The following OPHN1 variants were observed in gnomAD, a reference collection of about 807,000 sequenced individuals.
OPHN1 encodes oligophrenin 1.
A neutral mutation model predicts 60.7 loss-of-function variants in OPHN1; 11 were observed. The observed-to-expected ratio is 0.18, with a 90% CI of 0.11 to 0.30. OPHN1 has a LOEUF of 0.30. Among genes scored for constraint, OPHN1 ranks in the 10% least tolerant of loss-of-function variants. OPHN1 has a pLI of 1.00. For synonymous variants in OPHN1, 226 were observed against 222.6 expected (o/e 1.02, Z -0.14); for missense variants, 449 against 611.0 (o/e 0.73, Z 2.80).
chrX:68,379,332 A>G (rs1161802110), intron 2 of OPHN1, among the ~76,000 whole-genome samples: 1 of 111,626 alleles, frequency 9.0e-6, no homozygotes, highest in Non-Finnish European at 1.9e-5. Context: ...ATTTTGGGCT[A>G]AGACAGTGCA....
chrX:68,158,698 G>A (rs1160119560), intron 15 of OPHN1, among the ~76,000 whole-genome samples: 1 of 111,723 alleles, frequency 9.0e-6, no homozygotes, highest in Non-Finnish European at 1.9e-5. Context: ...ATAAAGTTTT[G>A]CTTATGGCTG....
In OPHN1 at chrX:68,046,854, C is replaced by T. The variant is rs2076834025; in HGVS notation, c.*318G>A. The T allele has an allele frequency of 9.0e-6, 1 of 111,647 alleles. No homozygotes were observed. Among genetic ancestry groups the T allele is most frequent in the Non-Finnish European group, 1.9e-5 (1 of 53,129 alleles). The allele number at this position is 111,647 out of a possible 1,213,427, so 9.2% of individuals were successfully genotyped here. ...TCAGGGAAGAGTTGAAAACTGAGCT[C>T]CCCTCTTCAACTCAGGTAAGTGGAT... is the stretch of plus-strand genomic sequence containing the variant. On this transcript the variant is annotated 3_prime_UTR_variant, in exon 25 of 25. Transcript: ENST00000355520.
At chrX:68,346,635 A>G (rs1435028436) in intron 2 of OPHN1, among the ~76,000 whole-genome samples, 1 of 112,032 alleles carries the variant, frequency 8.9e-6, no homozygotes, top group African/African-American at 3.2e-5. Flanking sequence ...GAACAAATGT[A>G]ATCTCTGATT....
At chrX:68,174,559 C>T (rs2077406011) in intron 15 of OPHN1, among the ~76,000 whole-genome samples, 1 of 101,933 alleles carries the variant, frequency 9.8e-6, no homozygotes, top group Non-Finnish European at 2.0e-5. Context: ...GCAGCCTCGA[C>T]CTCCCGTGCA....
At chrX:68,310,453 A>G (rs984348436) in intron 2 of OPHN1, among the ~76,000 whole-genome samples, 12 of 110,744 alleles carry the variant, frequency 1.1e-4, no homozygotes, top group Non-Finnish European at 1.9e-4. Flanking sequence ...AAAATGCCCC[A>G]TAAGAACACC....
Position 68,226,106 on chromosome X carries a change from G to A in OPHN1, c.486+8381C>T, listed in dbSNP as rs111468748. On this transcript the variant is annotated intron_variant, in intron 6 of 24. Transcript: ENST00000355520. ...ATGCACAAGCTTCAGTAGCCGATTCGATCAAATGGAAGAAACGGTATCAGT... is the reference window on the plus strand; with the variant it reads ...ATGCACAAGCTTCAGTAGCCGATTCAATCAAATGGAAGAAACGGTATCAGT... Among the ~76,000 whole-genome samples the A allele has an allele frequency of 7.2e-3, 799 of 111,748 alleles. 9 individuals carry two copies. Among genetic ancestry groups the A allele is most frequent in the African/African-American group, 0.025 (763 of 30,810 alleles).
intron 19 of OPHN1, among the ~76,000 whole-genome samples, chrX:68,089,839 T>C (rs1397282971): frequency 2.7e-5 from 3 of 111,851 alleles, no homozygotes; most frequent in Non-Finnish European, 5.6e-5. Context: ...TTGAAGAATG[T>C]GTGAAAGACC....
At chrX:68,230,297 C>G (rs949046818) in intron 6 of OPHN1, among the ~76,000 whole-genome samples, 2 of 111,450 alleles carry the variant, frequency 1.8e-5, no homozygotes, top group Admixed American at 1.9e-4. Flanking sequence ...GAAATAGGAA[C>G]ACTTTTACAC....
intron 15 of OPHN1, among the ~76,000 whole-genome samples, chrX:68,163,834 T>C (rs972317575): frequency 7.2e-5 from 8 of 110,883 alleles, no homozygotes; most frequent in Non-Finnish European, 1.1e-4. Flanking sequence ...CTTTAATGAT[T>C]AGTGCTGTTG....
At position 68,043,034 on chromosome X, in the gene OPHN1, T is replaced by C. The variant is rs1172197667; in HGVS notation, c.*4138A>G. The C allele has an allele frequency of 8.2e-5, 1 of 12,143 alleles. No individual in the cohort carries two copies. The highest frequency in any genetic ancestry group is 1.4e-4 in the Non-Finnish European group (1 of 7,289). The allele number at this position is 12,143 out of a possible 1,213,427, so 1.0% of individuals were successfully genotyped here. On this transcript the variant is annotated 3_prime_UTR_variant, in exon 25 of 25. Transcript: ENST00000355520. The stretch of plus-strand genomic sequence containing the variant: ...GGCACATATACACCATGGAATACTA[T>C]GCAGCCATAAAAAATGATGAGTTCA...
intron 5 of OPHN1, among the ~76,000 whole-genome samples, chrX:68,249,484 G>A (rs901344754): frequency 1.8e-5 from 2 of 111,757 alleles, no homozygotes; most frequent in Non-Finnish European, 3.8e-5. Context: ...GGCAGCCAGA[G>A]CCAATAAGCA....
chrX:68,241,737 T>G (rs990761680), intron 5 of OPHN1, among the ~76,000 whole-genome samples: 2 of 110,990 alleles, frequency 1.8e-5, no homozygotes, highest in Non-Finnish European at 3.8e-5. Flanking sequence ...CCGGCCAACA[T>G]GGTGAAACCC....
chrX:68,419,001 G>T (rs758674067), intron 2 of OPHN1, among the ~76,000 whole-genome samples: 98 of 110,390 alleles, frequency 8.9e-4, no homozygotes, highest in Admixed American at 2.4e-3. Flanking sequence ...TAAATTTTTT[G>T]TTGTTGTTGT....
At chrX:68,319,821 T>A (rs1358460567) in intron 2 of OPHN1, among the ~76,000 whole-genome samples, 10 of 110,535 alleles carry the variant, frequency 9.0e-5, no homozygotes, top group Non-Finnish European at 7.5e-5. Flanking sequence ...CCTGTTAGGA[T>A]GAAAAGACAA....
intron 2 of OPHN1, among the ~76,000 whole-genome samples, chrX:68,392,868 G>A (rs181993412): frequency 5.5e-5 from 6 of 108,950 alleles, no homozygotes; most frequent in Admixed American, 3.0e-4. Flanking sequence ...CTCCCCATCC[G>A]GCCCACTGAG....
chrX:68,135,934 T>C (rs970907521), intron 15 of OPHN1, among the ~76,000 whole-genome samples: 1 of 111,676 alleles, frequency 9.0e-6, no homozygotes, highest in African/African-American at 3.3e-5. Flanking sequence ...AAATGTCTAA[T>C]AGAAATTCAG....
At chrX:68,178,414 GTTTT>G (rs757777795) in intron 15 of OPHN1, among the ~76,000 whole-genome samples, 2 of 111,078 alleles carry the variant, frequency 1.8e-5, no homozygotes, top group East Asian at 5.7e-4. Context: ...TACTTTTGTG[GTTTT>G]TTTGAGACGT....
At chrX:68,433,805 A>C, upstream of OPHN1, 1 of 297,162 alleles carries the variant, frequency 3.4e-6, no homozygotes, top group Non-Finnish European at 5.9e-6. Flanking sequence ...CGCGACGCAC[A>C]ATAGCCGCGG....
At position 68,227,462 on chromosome X, in the gene OPHN1, C is replaced by T. The variant is rs747543715; in HGVS notation, c.486+7025G>A. On this transcript the variant is annotated intron_variant, in intron 6 of 24. Coordinates refer to ENST00000355520, the MANE Select transcript of OPHN1 (RefSeq NM_002547.3). ...AAATCAACAGAATATACATTGTTCT[C>T]AGCACCACATCGCACTTATTAAAAA... 1.8e-3 allele frequency among the ~76,000 whole-genome samples: 205 copies of T among 111,439 alleles called. 1 individual carries two copies. The highest frequency in any genetic ancestry group is 6.5e-3 in the African/African-American group (200 of 30,692).
Sources: gnomAD v4.1 joint callset for allele counts (sites outside exome capture counted in the v4.1 genomes callset) on GRCh38, gnomAD v4.1.1 for gene constraint, MANE v1.5 for transcripts, NCBI Gene and HGNC (gene_info 2026-07-23, HGNC 2026-07-21) for gene names.